FILIP1L: variants seen among roughly 807,000 people sequenced by gnomAD.
FILIP1L encodes filamin A interacting protein 1 like, also known as filamin A-interacting protein 1-like.
A neutral mutation model predicts 96.6 loss-of-function variants in FILIP1L; 55 were observed. That is an observed-to-expected ratio of 0.57 (90% CI 0.46 to 0.71). FILIP1L has a LOEUF of 0.71. Ranked by LOEUF, FILIP1L falls within the 30% of genes least tolerant of loss-of-function variation. The pLI, the probability that FILIP1L is intolerant of heterozygous loss-of-function variation, is 0.00. For synonymous variants in FILIP1L, 467 were observed against 473.9 expected (o/e 0.99, Z 0.19); for missense variants, 1,304 against 1,321.2 (o/e 0.99, Z 0.20).
chr3:100,066,271 A>G (rs1328788619), intron 1 of FILIP1L, among the ~76,000 whole-genome samples: 1 of 152,310 alleles, frequency 6.6e-6, no homozygotes, highest in East Asian at 1.9e-4. Context: ...TATTATTTTA[A>G]TGAGAGTCAA....
At chr3:99,952,740 A>G (rs182635766) in intron 1 of FILIP1L, among the ~76,000 whole-genome samples, 60 of 152,320 alleles carry the variant, frequency 3.9e-4, no homozygotes, top group African/African-American at 1.4e-3. Flanking sequence ...GAAGAAGGGA[A>G]AAAACAGAAA....
At chr3:99,892,569 C>T (rs1017523536) in intron 4 of FILIP1L, among the ~76,000 whole-genome samples, 40 of 152,170 alleles carry the variant, frequency 2.6e-4, no homozygotes, top group African/African-American at 9.7e-4. Context: ...CCTTTGATGG[C>T]TTCATTGTCA....
chr3:99,897,521 T>G (rs781281494), intron 4 of FILIP1L, among the ~76,000 whole-genome samples: 1 of 152,210 alleles, frequency 6.6e-6, no homozygotes, highest in Non-Finnish European at 1.5e-5. Flanking sequence ...TTTTCTTTAC[T>G]AGTTATTTTT....
In FILIP1L at chr3:99,850,073, C is replaced by CTTCT; in HGVS notation, c.1602_1603insAGAA (p.Val535ArgfsTer4). ...GTTTCCTCAATTAACTTCTCAGTAACTGTTGTTACTTTATTTTGCTCCACT... is the reference window on the plus strand; with the variant it reads ...GTTTCCTCAATTAACTTCTCAGTAACTTCTTGTTGTTACTTTATTTTGCTCCACT... On this transcript the variant is annotated frameshift_variant, in exon 5 of 6. Transcript: ENST00000477258. LOFTEE classifies it high-confidence loss of function. 6.2e-7 allele frequency: 1 copy of CTTCT among 1,612,764 alleles called. No individual in the cohort carries two copies. The highest frequency in any genetic ancestry group is 8.5e-7 in the Non-Finnish European group (1 of 1,179,726).
chr3:99,971,621 T>G (rs1447767440), intron 1 of FILIP1L, among the ~76,000 whole-genome samples: 4 of 152,192 alleles, frequency 2.6e-5, no homozygotes, highest in African/African-American at 7.2e-5. Flanking sequence ...CTGATCTAAG[T>G]TGGTACCAGA....
At chr3:99,876,160 C>A in intron 4 of FILIP1L, 1 of 985,678 alleles carries the variant, frequency 1.0e-6, no homozygotes, top group South Asian at 4.7e-5. Context: ...CTCCGAGAGT[C>A]GCCCGAACAA....
Position 99,989,686 on chromosome 3 carries a change from T to A in FILIP1L, c.-10-58656A>T, listed in dbSNP as rs202066060. Among the ~76,000 whole-genome samples the A allele has an allele frequency of 7.6e-4, 113 of 149,204 alleles. No individual in the cohort carries two copies. The East Asian group carries it at 0.017, about 23-fold the overall frequency. Reference sequence around the variant, plus strand: ...CCTCTATATATATATATATATATATTTTTTTTCTTTTTTTTGCAGAAAAAT... The same window carrying A: ...CCTCTATATATATATATATATATATATTTTTTCTTTTTTTTGCAGAAAAAT... On this transcript the variant is annotated intron_variant, in intron 1 of 5. Transcript: ENST00000477258.
At chr3:100,057,405 G>C (rs1310664977) in intron 1 of FILIP1L, among the ~76,000 whole-genome samples, 1 of 152,172 alleles carries the variant, frequency 6.6e-6, no homozygotes, top group Non-Finnish European at 1.5e-5. Context: ...GCCAATAAAA[G>C]CCCAGACCTT....
chr3:100,070,776 C>T (rs1171849376), intron 1 of FILIP1L, among the ~76,000 whole-genome samples: 1 of 152,158 alleles, frequency 6.6e-6, no homozygotes, highest in Non-Finnish European at 1.5e-5. Context: ...GGATTAAAGG[C>T]ATGTGCCACC....
chr3:100,084,700 G>T (rs1483371043), intron 1 of FILIP1L, among the ~76,000 whole-genome samples: 1 of 152,148 alleles, frequency 6.6e-6, no homozygotes, highest in African/African-American at 2.4e-5. Context: ...TGAGGATATG[G>T]ATATTACAGA....
At chr3:100,014,693 T>C (rs1451623560) in intron 1 of FILIP1L, among the ~76,000 whole-genome samples, 1 of 152,036 alleles carries the variant, frequency 6.6e-6, no homozygotes. Context: ...ATTTTCTTGC[T>C]ATTGAGTTCT....
intron 1 of FILIP1L, among the ~76,000 whole-genome samples, chr3:100,014,327 T>C (rs2107205554): frequency 6.6e-6 from 1 of 152,238 alleles, no homozygotes; most frequent in South Asian, 2.1e-4. Flanking sequence ...CTTTTCAAGA[T>C]ACTTATTTCA....
At chr3:99,885,700 T>G (rs748490539) in intron 4 of FILIP1L, among the ~76,000 whole-genome samples, 1 of 152,244 alleles carries the variant, frequency 6.6e-6, no homozygotes, top group Non-Finnish European at 1.5e-5. Flanking sequence ...GTGGCTACTA[T>G]GTGTTGAAAC....
At chr3:100,058,979 T>A (rs1474121570) in intron 1 of FILIP1L, among the ~76,000 whole-genome samples, 2 of 152,226 alleles carry the variant, frequency 1.3e-5, no homozygotes, top group African/African-American at 4.8e-5. Flanking sequence ...CAGGAAAAGG[T>A]CCTTGGTAAC....
rs772465470 is a variant in FILIP1L, at chr3:99,848,417, G to T, written c.3259C>A (p.Leu1087Met). The T allele has an allele frequency of 4.3e-6, 7 of 1,614,096 alleles. No individual in the cohort carries two copies. In the East Asian group the frequency reaches 1.3e-4, roughly 31 times the overall value. The part of the protein sequence containing the change: ...PVRPASPSAP[L>M]QDNRTQGLIN... ...AAGCCTTGAGTTCGGTTATCCTGCA[G>T]TGGTGCTGAAGGGCTGGCAGGTCTC... The change falls in exon 5 of 6, where the codon CTG becomes ATG. Residue 1087 changes from leucine to methionine, a missense_variant. Transcript: ENST00000477258.
At chr3:99,833,156 AT>A in intron 5 of FILIP1L, 1 of 1,342,804 alleles carries the variant, frequency 7.4e-7, no homozygotes, top group Non-Finnish European at 1.1e-6. Flanking sequence ...GAAGAAAACG[AT>A]TTTTTAATAA....
intron 1 of FILIP1L, among the ~76,000 whole-genome samples, chr3:100,001,056 C>T (rs926746439): frequency 6.6e-6 from 1 of 152,180 alleles, no homozygotes; most frequent in African/African-American, 2.4e-5. Flanking sequence ...CACACACACA[C>T]TCTTCCCAAA....
chr3:100,060,328 C>T (rs1471742678), intron 1 of FILIP1L, among the ~76,000 whole-genome samples: 1 of 152,144 alleles, frequency 6.6e-6, no homozygotes, highest in African/African-American at 2.4e-5. Flanking sequence ...CTGTTTCCCA[C>T]TCCACCTCCT....
At chr3:99,862,429 T>C (rs928705248) in intron 4 of FILIP1L, among the ~76,000 whole-genome samples, 1 of 152,222 alleles carries the variant, frequency 6.6e-6, no homozygotes, top group Non-Finnish European at 1.5e-5. Context: ...ATGGATCTTT[T>C]CAGCTATGCA....
Sources: gnomAD v4.1 joint callset for allele counts (sites outside exome capture counted in the v4.1 genomes callset) on GRCh38, gnomAD v4.1.1 for gene constraint, MANE v1.5 for transcripts, NCBI Gene and HGNC (gene_info 2026-07-23, HGNC 2026-07-21) for gene names.